VPS13C: variants seen among roughly 807,000 people sequenced by gnomAD.
VPS13C encodes the protein vacuolar protein sorting 13 homolog C, also known as intermembrane lipid transfer protein VPS13C.
A neutral mutation model predicts 456.8 loss-of-function variants in VPS13C; 358 were observed. The observed-to-expected ratio is 0.78, with a 90% CI of 0.72 to 0.86. VPS13C has a LOEUF of 0.86. VPS13C is among the 40% of genes least tolerant of loss of function. The pLI, the probability that VPS13C is intolerant of heterozygous loss-of-function variation, is 0.00. For synonymous variants in VPS13C, 1,578 were observed against 1,486.7 expected, an observed-to-expected ratio of 1.06 and a Z score of -1.41; for missense variants, 4,818 against 4,385.4, an observed-to-expected ratio of 1.10 and a Z score of -2.79.
Position 61,977,076 on chromosome 15 carries a change from C to CA in VPS13C, c.2408+5dup. ...TTTTCTAATATAAAAGAAGTTTATA[C>CA]ATTACCTGGCCATTCTAATGTCTTT... On this transcript the variant is annotated splice_donor_region_variant and intron_variant, in intron 24 of 84. Transcript: ENST00000644861. 2.5e-6 allele frequency: 4 copies of CA among 1,573,166 alleles called. No homozygotes were observed. The highest frequency in any genetic ancestry group is 3.5e-6 in the Non-Finnish European group (4 of 1,151,944).
At chr15:61,992,702 A>G (rs565387360) in intron 16 of VPS13C, among the ~76,000 whole-genome samples, 4 of 152,262 alleles carry the variant, frequency 2.6e-5, no homozygotes, top group Middle Eastern at 3.4e-3. Flanking sequence ...CTGCAAGATG[A>G]AAGTAAATGA....
At chr15:61,984,229 G>A (rs1028844548) in intron 19 of VPS13C, among the ~76,000 whole-genome samples, 5 of 151,912 alleles carry the variant, frequency 3.3e-5, no homozygotes, top group African/African-American at 1.2e-4. Context: ...TTTCATCTAC[G>A]TGAAAAACTC....
intron 5 of VPS13C, among the ~76,000 whole-genome samples, chr15:62,030,957 A>G (rs778193904): frequency 6.6e-6 from 1 of 152,128 alleles, no homozygotes; most frequent in African/African-American, 2.4e-5. Context: ...ATAAAATCCA[A>G]CATCTTAAGT....
chr15:61,919,456 C>T lies in VPS13C; in HGVS notation c.7478-7G>A, dbSNP rs377046090. 9.8e-6 allele frequency: 15 copies of T among 1,529,134 alleles called. No individual in the cohort carries two copies. In the African/African-American group the frequency reaches 2.0e-4, roughly 20 times the overall value. 94.7% of individuals were successfully genotyped at this position (1,529,134 alleles called of 1,614,324 possible). A position where few individuals can be genotyped will look rare whatever the true frequency, so the allele number is the denominator to read the frequency against. ...TCTGTATATCCATGAGGTACTAAGG[C>T]AGTGCATAAGTGAAAAGAATTCCAA... On this transcript the variant is annotated splice_polypyrimidine_tract_variant and splice_region_variant and intron_variant, in intron 57 of 84. Coordinates refer to ENST00000644861, the MANE Select transcript of VPS13C (RefSeq NM_020821.3).
In VPS13C at chr15:62,010,328, C is replaced by A. The variant is rs1232945429; in HGVS notation, c.1011+144G>T. ...ACTACTTAAATTTGAAATTCATTTT[C>A]TTTAAAACAAAAATTTTTAAACAGT... On this transcript the variant is annotated intron_variant, in intron 13 of 84. Coordinates refer to ENST00000644861, the MANE Select transcript of VPS13C (RefSeq NM_020821.3). 4 of 863,490 alleles carry A rather than the reference C, an allele frequency of 4.6e-6. No homozygotes were observed. The South Asian group carries it at 1.3e-4, about 29-fold the overall frequency. 53.5% of individuals were successfully genotyped at this position (863,490 alleles called of 1,614,324 possible).
At chr15:62,042,102 G>T (rs981567657) in intron 2 of VPS13C, among the ~76,000 whole-genome samples, 8 of 152,012 alleles carry the variant, frequency 5.3e-5, no homozygotes, top group Non-Finnish European at 8.8e-5. Flanking sequence ...TTTAGTAAAT[G>T]AATAAACTTA....
At position 61,853,159 on chromosome 15, in the gene VPS13C, C is replaced by G. The variant is rs1459338618; in HGVS notation, c.*1298G>C. 2 of 152,250 alleles carry G rather than the reference C, an allele frequency of 1.3e-5. No individual in the cohort carries two copies. The highest frequency in any genetic ancestry group is 3.9e-4 in the East Asian group (2 of 5,188). The allele number at this position is 152,250 out of a possible 1,614,324, so 9.4% of individuals were successfully genotyped here. On this transcript the variant is annotated 3_prime_UTR_variant, in exon 85 of 85. Transcript: ENST00000644861. The stretch of plus-strand genomic sequence containing the variant: ...TTGATTCTCACAGGGCCTGCTCCCT[C>G]ACAGAACACAGTGTCATTATATATG...
chr15:61,944,023 C>A (rs908143934), intron 45 of VPS13C, among the ~76,000 whole-genome samples: 1 of 151,570 alleles, frequency 6.6e-6, no homozygotes, highest in African/African-American at 2.4e-5. Flanking sequence ...AAGGAGCCAA[C>A]AAACATATGA....
rs1555431891 is a variant in VPS13C, at chr15:61,973,438, A to G, written c.2617+16T>C. On this transcript the variant is annotated intron_variant, in intron 26 of 84. Coordinates refer to ENST00000644861, the MANE Select transcript of VPS13C (RefSeq NM_020821.3). ...AGGCTTAATTTAATAGAGAAAGAGT[A>G]TTTTACTTTCCTTACCTGATTCCAC... The G allele has an allele frequency of 8.8e-6, 14 of 1,594,668 alleles. No homozygotes were observed. The highest frequency in any genetic ancestry group is 6.9e-6 in the Non-Finnish European group (8 of 1,163,194).
At chr15:61,915,266 G>A (rs1364651074) in intron 61 of VPS13C, among the ~76,000 whole-genome samples, 1 of 152,210 alleles carries the variant, frequency 6.6e-6, no homozygotes, top group East Asian at 1.9e-4. Context: ...CTGCCTGAGT[G>A]CTTCACACAT....
chr15:61,896,484 G>T (rs568689672), intron 66 of VPS13C, among the ~76,000 whole-genome samples: 4 of 152,320 alleles, frequency 2.6e-5, no homozygotes, highest in South Asian at 2.1e-4. Flanking sequence ...CAAAGAAAGG[G>T]GTGACGGACG....
At chr15:61,907,836 C>T (rs922133109) in intron 65 of VPS13C, among the ~76,000 whole-genome samples, 2 of 152,188 alleles carry the variant, frequency 1.3e-5, no homozygotes, top group Non-Finnish European at 2.9e-5. Flanking sequence ...TGCACTACAG[C>T]CTCAAACTCC....
intron 47 of VPS13C, 123 bp from the exon 48 acceptor site, chr15:61,936,873 GT>G: frequency 9.7e-7 from 1 of 1,031,788 alleles, no homozygotes. Flanking sequence ...GAGAGTTAGA[GT>G]TAGGACTATA....
chr15:61,988,785 C>T (rs977108668), intron 18 of VPS13C, among the ~76,000 whole-genome samples: 2 of 152,108 alleles, frequency 1.3e-5, no homozygotes, highest in Admixed American at 6.5e-5. Flanking sequence ...GGACACTTAA[C>T]TGATGATAAA....
chr15:61,937,305 T>C (rs2044259542), intron 47 of VPS13C, among the ~76,000 whole-genome samples: 1 of 152,162 alleles, frequency 6.6e-6, no homozygotes, highest in South Asian at 2.1e-4. Flanking sequence ...CAAAGAATGT[T>C]TAAAGAACAA....
Position 61,864,934 on chromosome 15 carries a change from C to T in VPS13C, c.10864-1406G>A, listed in dbSNP as rs772901685. 3.1e-6 allele frequency: 3 copies of T among 976,534 alleles called. No individual in the cohort carries two copies. In the South Asian group the frequency reaches 1.4e-4, roughly 46 times the overall value. The allele number at this position is 976,534 out of a possible 1,614,324, so 60.5% of individuals were successfully genotyped here. ...AAATGCAAGTACAAGAAATACTACC[C>T]ACTTTCTATCTTGTATGTATTTTCG... On this transcript the variant is annotated intron_variant, in intron 81 of 84. Transcript: ENST00000644861.
chr15:62,023,293 A>G, intron 8 of VPS13C, 118 bp downstream of exon 8: 2 of 578,108 alleles, frequency 3.5e-6, no homozygotes, highest in Non-Finnish European at 2.8e-6. Context: ...TAGTGTACTC[A>G]TAAGAAAAAA....
At chr15:61,939,496 G>A (rs2044343179) in intron 47 of VPS13C, among the ~76,000 whole-genome samples, 1 of 152,056 alleles carries the variant, frequency 6.6e-6, no homozygotes. Flanking sequence ...AATAATCACA[G>A]GTATGAAAAC....
At position 61,958,608 on chromosome 15, in the gene VPS13C, C is replaced by A; in HGVS notation, c.4165G>T (p.Gly1389Cys). Residue 1389 changes from glycine (G) to cysteine (C), a missense_variant and splice_region_variant, in exon 37 of 85, where the codon GGT becomes TGT. By Grantham distance (159) the Gly-to-Cys change is radical. This residue lies in a region of VPS13C where 4,552 missense variants were observed against 4,130.6 expected (regional missense o/e 1.10). Coordinates refer to ENST00000644861, the MANE Select transcript of VPS13C (RefSeq NM_020821.3). Reference sequence around the variant, plus strand: ...TTGCCACTTACTGTCAGCCTCTTACCTGTCTCTTGTACTCTTGGTTTCACT... The same window carrying A: ...TTGCCACTTACTGTCAGCCTCTTACATGTCTCTTGTACTCTTGGTTTCACT... The part of the protein sequence containing the change: ...DKVKPRVQET[G>C]EIKEPLEISI... The A allele has an allele frequency of 6.5e-7, 1 of 1,542,712 alleles. No individual in the cohort carries two copies. The highest frequency in any genetic ancestry group is 1.2e-5 in the South Asian group (1 of 82,638).
Sources: gnomAD v4.1 joint callset for allele counts (sites outside exome capture counted in the v4.1 genomes callset) on GRCh38, gnomAD v4.1.1 for gene constraint, gnomAD v4.1.1 regional missense constraint, MANE v1.5 for transcripts, NCBI Gene and HGNC (gene_info 2026-07-23, HGNC 2026-07-21) for gene names.